BNC2: variants seen among roughly 807,000 people sequenced by gnomAD.
The protein encoded by BNC2 is basonuclin zinc finger protein 2.
Under a neutral mutation model 76.3 loss-of-function variants are expected in BNC2, and 20 were observed. That is an observed-to-expected ratio of 0.26 (90% CI 0.18 to 0.38). The LOEUF (loss-of-function observed/expected upper bound fraction) is 0.38. Among genes scored for constraint, BNC2 ranks in the 10% least tolerant of loss-of-function variants. The probability of loss-of-function intolerance (pLI) is 1.00; values close to 1 mark genes in which losing one functional copy is unlikely to be tolerated. For missense variants in BNC2, 1,382 were observed against 1,399.8 expected (o/e 0.99, Z 0.20); for synonymous variants, 582 against 514.8 (o/e 1.13, Z -1.77).
At chr9:16,730,285 G>A (rs887646924) in intron 2 of BNC2, among the ~76,000 whole-genome samples, 1 of 152,182 alleles carries the variant, frequency 6.6e-6, no homozygotes, top group African/African-American at 2.4e-5. Context: ...ACAAGCAAGT[G>A]ATAGTGAAAT....
chr9:16,531,929 G>A (rs921249739), intron 5 of BNC2, among the ~76,000 whole-genome samples: 2 of 152,032 alleles, frequency 1.3e-5, no homozygotes, highest in African/African-American at 4.8e-5. Flanking sequence ...GGGGAAGTTT[G>A]ACAAAATGCA....
chr9:16,788,971 A>G (rs73646257), intron 1 of BNC2, among the ~76,000 whole-genome samples: 2,497 of 152,232 alleles, frequency 0.016, 68 homozygotes, highest in African/African-American at 0.058. Context: ...GCACCTGGTT[A>G]AATTGTAATA....
chr9:16,853,761 G>A (rs183817750), intron 1 of BNC2, among the ~76,000 whole-genome samples: 3 of 152,150 alleles, frequency 2.0e-5, no homozygotes, highest in Non-Finnish European at 2.9e-5. Flanking sequence ...CCAGCTACTC[G>A]GGAGGGTGAG....
Position 16,647,677 on chromosome 9 carries a change from C to G in BNC2, c.331-64592G>C, listed in dbSNP as rs536745182. Among the ~76,000 whole-genome samples the G allele has an allele frequency of 2.6e-5, 4 of 152,088 alleles. No individual in the cohort carries two copies. The South Asian group carries it at 6.2e-4, about 24-fold the overall frequency. On this transcript the variant is annotated intron_variant, in intron 3 of 6. Transcript: ENST00000380672. ...TTTATCAGGTTAAAGGATAAAGTAG[C>G]CTTCAACAGAATTTTTCAAGTAAAA...
At chr9:16,549,335 G>A (rs2132492365) in intron 5 of BNC2, among the ~76,000 whole-genome samples, 1 of 152,254 alleles carries the variant, frequency 6.6e-6, no homozygotes, top group Admixed American at 6.5e-5. Flanking sequence ...AAGTCAATAT[G>A]TGGTAAGACT....
intron 1 of BNC2, among the ~76,000 whole-genome samples, chr9:16,842,237 G>C (rs1182232156): frequency 6.6e-6 from 1 of 152,136 alleles, no homozygotes; most frequent in Non-Finnish European, 1.5e-5. Flanking sequence ...AAACTAGTAA[G>C]AGAAATTCAC....
chr9:16,840,026 C>A (rs1818790924), intron 1 of BNC2, among the ~76,000 whole-genome samples: 2 of 152,188 alleles, frequency 1.3e-5, no homozygotes, highest in Non-Finnish European at 1.5e-5. Flanking sequence ...AGAGTTGAAA[C>A]CTGTTTTCCA....
chr9:16,671,680 G>C (rs1822481975), intron 3 of BNC2, among the ~76,000 whole-genome samples: 1 of 152,168 alleles, frequency 6.6e-6, no homozygotes, highest in Admixed American at 6.5e-5. Context: ...GCAGGCTCTG[G>C]TTGGCAAGTA....
chr9:16,422,872 TA>T (rs1484354307), intron 6 of BNC2, among the ~76,000 whole-genome samples: 7 of 152,216 alleles, frequency 4.6e-5, no homozygotes. Flanking sequence ...TTAGCTGTCA[TA>T]AAATACTGTC....
intron 3 of BNC2, among the ~76,000 whole-genome samples, chr9:16,708,450 CCCT>C (rs1823741445): frequency 1.3e-5 from 2 of 152,228 alleles, no homozygotes; most frequent in East Asian, 3.9e-4. Flanking sequence ...TAAATCAACC[CCCT>C]CCTCAACACA....
intron 5 of BNC2, among the ~76,000 whole-genome samples, chr9:16,463,832 A>G (rs1821643112): frequency 6.6e-6 from 1 of 151,984 alleles, no homozygotes; most frequent in South Asian, 2.1e-4. Context: ...CCGGTGGCTC[A>G]TGTCTGTAAT....
chr9:16,678,348 G>A (rs976867200), intron 3 of BNC2, among the ~76,000 whole-genome samples: 105 of 131,484 alleles, frequency 8.0e-4, no homozygotes, highest in African/African-American at 2.8e-3. Flanking sequence ...GTGCAATCTC[G>A]GCTCACTGCA....
intron 3 of BNC2, among the ~76,000 whole-genome samples, chr9:16,715,241 A>C (rs1294438157): frequency 6.6e-6 from 1 of 152,160 alleles, no homozygotes; most frequent in African/African-American, 2.4e-5. Flanking sequence ...CCTTTATTTA[A>C]ATTATTTGAC....
chr9:16,793,162 G>T (rs1208820722), intron 1 of BNC2, among the ~76,000 whole-genome samples: 1 of 152,130 alleles, frequency 6.6e-6, no homozygotes, highest in Admixed American at 6.5e-5. Flanking sequence ...TTGCCCAAAG[G>T]AATACTGTGA....
At chr9:16,663,130 CTTTTT>C (rs71325979) in intron 3 of BNC2, among the ~76,000 whole-genome samples, 5 of 99,614 alleles carry the variant, frequency 5.0e-5, no homozygotes, top group Non-Finnish European at 1.1e-4. Context: ...TCTGTTTACT[CTTTTT>C]TTTTTTTTTT....
intron 3 of BNC2, among the ~76,000 whole-genome samples, chr9:16,657,729 CTT>C (rs1270188009): frequency 6.6e-6 from 1 of 152,068 alleles, no homozygotes. Flanking sequence ...TGTGCAGACT[CTT>C]AAAGATGATA....
intron 3 of BNC2, among the ~76,000 whole-genome samples, chr9:16,718,526 G>A (rs964776616): frequency 6.6e-6 from 1 of 152,130 alleles, no homozygotes; most frequent in Admixed American, 6.5e-5. Context: ...TGAAATTTGA[G>A]TCAGAGAGAC....
chr9:16,677,108 G>A (rs901152699), intron 3 of BNC2, among the ~76,000 whole-genome samples: 4 of 151,916 alleles, frequency 2.6e-5, no homozygotes, highest in Admixed American at 2.6e-4. Context: ...TTATGTGCTT[G>A]GCCACCACAA....
intron 1 of BNC2, among the ~76,000 whole-genome samples, chr9:16,842,328 A>G (rs1563966708): frequency 1.3e-5 from 2 of 152,218 alleles, no homozygotes; most frequent in Non-Finnish European, 2.9e-5. Context: ...TGTGATAGGA[A>G]AAAGAAACGA....
Sources: gnomAD v4.1 joint callset for allele counts (sites outside exome capture counted in the v4.1 genomes callset) on GRCh38, gnomAD v4.1.1 for gene constraint, MANE v1.5 for transcripts, NCBI Gene and HGNC (gene_info 2026-07-23, HGNC 2026-07-21) for gene names.